The following PRRC2C variants were observed in gnomAD, a reference collection of about 807,000 sequenced individuals.
The protein encoded by PRRC2C is protein PRRC2C.
A neutral mutation model predicts 317.2 loss-of-function variants in PRRC2C; 72 were observed. The ratio of observed to expected loss-of-function variants is 0.23; its 90% CI spans 0.19 to 0.28. The LOEUF (loss-of-function observed/expected upper bound fraction) is 0.28. Ranked by LOEUF, PRRC2C falls within the 10% of genes least tolerant of loss-of-function variation. The pLI, the probability that PRRC2C is intolerant of heterozygous loss-of-function variation, is 1.00. For missense variants in PRRC2C, 3,074 were observed against 3,459.7 expected (o/e 0.89, Z 2.80); for synonymous variants, 1,296 against 1,205.9 (o/e 1.07, Z -1.55).
At chr1:171,517,569 T>C in intron 5 of PRRC2C, 22 bp from the exon 6 acceptor site, 1 of 1,587,982 alleles carries the variant, frequency 6.3e-7, no homozygotes, top group Non-Finnish European at 8.6e-7. Context: ...TCTTTTTCCT[T>C]TTTTCTCTGC....
At chr1:171,550,341 T>G in intron 18 of PRRC2C, 101 bp downstream of exon 18, 2 of 1,099,218 alleles carry the variant, frequency 1.8e-6, no homozygotes, top group Non-Finnish European at 2.5e-6. Context: ...GCTGTTTTCA[T>G]TATTCAAGTG....
intron 14 of PRRC2C, 70 bp from the exon 15 acceptor site, chr1:171,537,193 G>A (rs781349753): frequency 9.3e-6 from 11 of 1,187,738 alleles, no homozygotes; most frequent in East Asian, 2.6e-5. Context: ...TGTATTCTAT[G>A]TCTATCATGG....
chr1:171,553,292 G>T (rs975015119), intron 18 of PRRC2C, among the ~76,000 whole-genome samples: 10 of 152,202 alleles, frequency 6.6e-5, no homozygotes, highest in Non-Finnish European at 1.2e-4. Flanking sequence ...GTATTTCCGT[G>T]GGATTGGTGG....
intron 30 of PRRC2C, among the ~76,000 whole-genome samples, chr1:171,585,028 C>T (rs1649539623): frequency 6.6e-6 from 1 of 152,134 alleles, no homozygotes; most frequent in South Asian, 2.1e-4. Flanking sequence ...CTGCCTGCCT[C>T]GGCCTTCCAA....
Position 171,541,305 on chromosome 1 carries a change from A to G in PRRC2C, c.3839A>G (p.Lys1280Arg), listed in dbSNP as rs758471936. The G allele has an allele frequency of 6.2e-7, 1 of 1,614,010 alleles. No homozygotes were observed. Among genetic ancestry groups the G allele is most frequent in the South Asian group, 1.1e-5 (1 of 91,080 alleles). Residue 1280 changes from lysine to arginine, a missense_variant, in exon 16 of 35, where the codon AAG becomes AGG. Lys to Arg is a conservative substitution (Grantham distance 26). Around this residue, in one of 11 missense-constraint regions of PRRC2C, gnomAD observed 1,320 missense variants for 1,395.7 expected, o/e 0.95. Transcript: ENST00000647382. The surrounding 1 kb of genome is among the most constrained non-coding windows in gnomAD (Gnocchi z 4.1). ...DSEIHESASD[K>R]DSLSKGKLPK... ...GAAATTCATGAAAGTGCAAGTGACA[A>G]GGACAGTTTAAGTAAAGGCAAACTT... is the stretch of plus-strand genomic sequence containing the variant.
At chr1:171,588,842 G>T (rs1050374845) in intron 33 of PRRC2C, among the ~76,000 whole-genome samples, 1 of 152,034 alleles carries the variant, frequency 6.6e-6, no homozygotes, top group African/African-American at 2.4e-5. Context: ...GTTGTTTTTT[G>T]TTGTTGTTAA....
intron 18 of PRRC2C, among the ~76,000 whole-genome samples, chr1:171,556,876 G>A (rs532480778): frequency 4.6e-5 from 7 of 152,218 alleles, no homozygotes; most frequent in African/African-American, 7.2e-5. Flanking sequence ...ATATCATAAC[G>A]TACCAGCCAC....
At chr1:171,549,056 CAT>C (rs1679696553) in intron 17 of PRRC2C, among the ~76,000 whole-genome samples, 3 of 152,060 alleles carry the variant, frequency 2.0e-5, no homozygotes, top group Admixed American at 1.3e-4. Context: ...TTGCCCATAA[CAT>C]ATATTTATTT....
At chr1:171,517,960 T>C in intron 6 of PRRC2C, 146 bp downstream of exon 6, 1 of 685,112 alleles carries the variant, frequency 1.5e-6, no homozygotes, top group Middle Eastern at 4.2e-4. Flanking sequence ...GTATGGTATA[T>C]TGTGAGAAGG....
chr1:171,579,192 T>C (rs1181006322), intron 26 of PRRC2C, among the ~76,000 whole-genome samples, 162 bp from the exon 27 acceptor site: 1 of 152,242 alleles, frequency 6.6e-6, no homozygotes, highest in Non-Finnish European at 1.5e-5. Flanking sequence ...TTTTCCATCT[T>C]TTCACATTTG....
At chr1:171,531,960 A>G (rs1675968237) in intron 11 of PRRC2C, among the ~76,000 whole-genome samples, 1 of 152,100 alleles carries the variant, frequency 6.6e-6, no homozygotes, top group Non-Finnish European at 1.5e-5. Flanking sequence ...TAATACCTTC[A>G]TTTCTCTCCC....
intron 16 of PRRC2C, among the ~76,000 whole-genome samples, chr1:171,544,728 G>A (rs774718882): frequency 2.0e-5 from 3 of 152,108 alleles, no homozygotes; most frequent in Non-Finnish European, 4.4e-5. Flanking sequence ...TGGCAGTGAC[G>A]ATTATAATTA....
At chr1:171,490,212 C>G (rs949747474) in intron 1 of PRRC2C, among the ~76,000 whole-genome samples, 1 of 152,196 alleles carries the variant, frequency 6.6e-6, no homozygotes, top group Admixed American at 6.5e-5. Context: ...CCACTGCATC[C>G]TGCCGTTTAA....
chr1:171,515,726 AT>A lies in PRRC2C; in HGVS notation c.401-7del. On this transcript the variant is annotated splice_polypyrimidine_tract_variant and splice_region_variant and intron_variant, in intron 4 of 34. Coordinates refer to ENST00000647382, the MANE Select transcript of PRRC2C (RefSeq NM_001387844.1). ...TTACCTTTAATGTTTTTTTAAAAAA[AT>A]CTATAGGAATCCAAGTGAATAGTCA... 1 of 1,581,908 alleles carries A rather than the reference AT, an allele frequency of 6.3e-7. No individual in the cohort carries two copies. Among genetic ancestry groups the A allele is most frequent in the East Asian group, 2.2e-5 (1 of 44,576 alleles).
At chr1:171,549,287 T>C (rs924453157) in intron 17 of PRRC2C, among the ~76,000 whole-genome samples, 1 of 152,208 alleles carries the variant, frequency 6.6e-6, no homozygotes, top group Non-Finnish European at 1.5e-5. Context: ...TCCTCCCACT[T>C]TGGCCTCCCA....
At chr1:171,560,978 C>T in intron 19 of PRRC2C, 40 bp from the exon 20 acceptor site, 1 of 1,486,524 alleles carries the variant, frequency 6.7e-7, no homozygotes, top group Non-Finnish European at 9.4e-7. Context: ...TTATTAGACT[C>T]TAAATCTTAA....
At chr1:171,532,013 C>G (rs1459395569) in intron 11 of PRRC2C, among the ~76,000 whole-genome samples, 1 of 152,198 alleles carries the variant, frequency 6.6e-6, no homozygotes, top group Non-Finnish European at 1.5e-5. Flanking sequence ...AGTATCCATG[C>G]TAAATTTCCT....
intron 17 of PRRC2C, among the ~76,000 whole-genome samples, chr1:171,549,654 C>G (rs1177901418): frequency 1.3e-5 from 2 of 152,144 alleles, no homozygotes; most frequent in Non-Finnish European, 2.9e-5. Flanking sequence ...TTCCACCTCC[C>G]AGGTTCAAGT....
chr1:171,579,421 G>A lies in PRRC2C; in HGVS notation c.7227G>A (p.Pro2409=), dbSNP rs370930354. Residue 2409 remains proline (P), a synonymous_variant, in exon 27 of 35, where the codon CCG becomes CCA. Transcript: ENST00000647382. The stretch of plus-strand genomic sequence containing the variant: ...ATACCCAACATGCACGATTGGCTCC[G>A]CCATCCTTGGCTCAACAACAGGGTT... ...LFNTQHARLA[P]PSLAQQQGFQ... is the part of the protein sequence containing the mutation. 67 of 1,613,612 alleles carry A rather than the reference G, an allele frequency of 4.2e-5. No homozygotes were observed. The highest frequency in any genetic ancestry group is 5.2e-5 in the Non-Finnish European group (61 of 1,179,856).
Sources: gnomAD v4.1 joint callset for allele counts (sites outside exome capture counted in the v4.1 genomes callset) on GRCh38, gnomAD v4.1.1 for gene constraint, gnomAD v4.1.1 regional missense constraint, Gnocchi (gnomAD v3.1) non-coding constraint, MANE v1.5 for transcripts, NCBI Gene and HGNC (gene_info 2026-07-23, HGNC 2026-07-21) for gene names.